The following CALCR variants were observed in gnomAD, a reference collection of about 807,000 sequenced individuals.
The protein encoded by CALCR is calcitonin receptor.
Under a neutral mutation model 59.5 loss-of-function variants are expected in CALCR, and 47 were observed. That is an observed-to-expected ratio of 0.79 (90% CI 0.63 to 1.01). CALCR has a LOEUF of 1.01. CALCR is among the 50% of genes least tolerant of loss of function. The pLI is 0.00. For synonymous variants in CALCR, 213 were observed against 211.3 expected (o/e 1.01, Z -0.07); for missense variants, 566 against 597.1 (o/e 0.95, Z 0.54).
intron 2 of CALCR, among the ~76,000 whole-genome samples, chr7:93,533,583 G>A (rs1788905134): frequency 6.6e-6 from 1 of 151,822 alleles, no homozygotes; most frequent in South Asian, 2.1e-4. Context: ...TGGGAGAGGA[G>A]GTTGAAGGAA....
At chr7:93,538,245 A>G (rs1189194899) in intron 2 of CALCR, among the ~76,000 whole-genome samples, 3 of 152,034 alleles carry the variant, frequency 2.0e-5, no homozygotes, top group Non-Finnish European at 4.4e-5. Flanking sequence ...CTGAAAAAGC[A>G]GATAGGCCTG....
chr7:93,517,686 ACTT>A (rs1801678088), intron 2 of CALCR, among the ~76,000 whole-genome samples: 2 of 151,882 alleles, frequency 1.3e-5, no homozygotes, highest in Admixed American at 1.3e-4. Context: ...AACACACTGA[ACTT>A]CTTTGTGTAT....
At chr7:93,543,529 G>A (rs1174412700) in intron 2 of CALCR, among the ~76,000 whole-genome samples, 2 of 152,148 alleles carry the variant, frequency 1.3e-5, no homozygotes, top group African/African-American at 4.8e-5. Context: ...GTAAGGCTAC[G>A]ATGTGAGCAT....
In CALCR at chr7:93,491,733, T is replaced by C. The variant is rs1801082237; in HGVS notation, c.-26-4726A>G. Among the ~76,000 whole-genome samples, 3 of 152,062 alleles carry C rather than the reference T, an allele frequency of 2.0e-5. No homozygotes were observed. In the South Asian group the frequency reaches 6.2e-4, roughly 32 times the overall value. On this transcript the variant is annotated intron_variant, in intron 2 of 13. Coordinates refer to ENST00000426151, the MANE Select transcript of CALCR (RefSeq NM_001742.4). ...GTCACACCGGTCAGAATGGTGATTA[T>C]TAAAAAGTCAAGAAACCATAGATGC...
chr7:93,471,951 A>G (rs1217545226), intron 6 of CALCR, among the ~76,000 whole-genome samples: 1 of 151,818 alleles, frequency 6.6e-6, no homozygotes, highest in Non-Finnish European at 1.5e-5. Context: ...CTTTATTACA[A>G]AACTAAGGTT....
intron 13 of CALCR, among the ~76,000 whole-genome samples, chr7:93,430,353 C>T (rs570922151): frequency 3.1e-4 from 47 of 152,234 alleles, no homozygotes; most frequent in African/African-American, 1.0e-3. Context: ...TTCAGTCTTT[C>T]GGAGGCCATA....
chr7:93,474,830 G>C (rs1314220654), intron 5 of CALCR, among the ~76,000 whole-genome samples: 1 of 151,712 alleles, frequency 6.6e-6, no homozygotes, highest in African/African-American at 2.4e-5. Flanking sequence ...GTTAACAAAG[G>C]CAAAGCATTG....
At chr7:93,461,758 A>G (rs1323806146) in intron 7 of CALCR, among the ~76,000 whole-genome samples, 1 of 152,178 alleles carries the variant, frequency 6.6e-6, no homozygotes, top group Admixed American at 6.5e-5. Context: ...GAATGTTCAC[A>G]TAAATAAACA....
At chr7:93,465,026 A>G (rs1015443749) in intron 7 of CALCR, among the ~76,000 whole-genome samples, 6 of 151,978 alleles carry the variant, frequency 3.9e-5, no homozygotes, top group Admixed American at 1.3e-4. Context: ...AATGTAGACA[A>G]TAAAATGAAG....
chr7:93,544,823 A>G (rs1311790581), intron 2 of CALCR, among the ~76,000 whole-genome samples: 2 of 152,146 alleles, frequency 1.3e-5, no homozygotes, highest in African/African-American at 4.8e-5. Flanking sequence ...CTTTCCTCCA[A>G]CTGCTCAACA....
chr7:93,458,492 T>C (rs1321977821), intron 8 of CALCR, among the ~76,000 whole-genome samples: 4 of 152,182 alleles, frequency 2.6e-5, no homozygotes, highest in African/African-American at 2.4e-5. Flanking sequence ...CTGCTCCCAC[T>C]GCCCTGGGCC....
At chr7:93,533,572 A>G (rs1408795719) in intron 2 of CALCR, among the ~76,000 whole-genome samples, 2 of 151,870 alleles carry the variant, frequency 1.3e-5, no homozygotes, top group Non-Finnish European at 2.9e-5. Context: ...TAAGGTTCCA[A>G]TGGGAGAGGA....
At chr7:93,522,111 AT>A (rs1253054218) in intron 2 of CALCR, among the ~76,000 whole-genome samples, 5 of 152,186 alleles carry the variant, frequency 3.3e-5, no homozygotes, top group Non-Finnish European at 5.9e-5. Context: ...GGGATTTATT[AT>A]TTTTTTAAAC....
At chr7:93,468,847 G>C in intron 6 of CALCR, 41 bp from the exon 7 acceptor site, 6 of 547,318 alleles carry the variant, frequency 1.1e-5, no homozygotes, top group South Asian at 4.0e-5. Flanking sequence ...ATGAATGAAT[G>C]ATTCATCAGA....
chr7:93,504,712 A>G (rs1158943865), intron 2 of CALCR, among the ~76,000 whole-genome samples: 1 of 152,116 alleles, frequency 6.6e-6, no homozygotes, highest in Non-Finnish European at 1.5e-5. Context: ...AAAGAATTTA[A>G]GTTTCCTGAA....
intron 7 of CALCR, among the ~76,000 whole-genome samples, chr7:93,463,428 T>C (rs2115819724): frequency 6.6e-6 from 1 of 152,092 alleles, no homozygotes; most frequent in South Asian, 2.1e-4. Flanking sequence ...AGTTTTAATA[T>C]AATTTTTGCT....
At chr7:93,495,585 A>G (rs184377821) in intron 2 of CALCR, among the ~76,000 whole-genome samples, 23 of 151,428 alleles carry the variant, frequency 1.5e-4, no homozygotes, top group Non-Finnish European at 3.1e-4. Context: ...CTTTTATACC[A>G]GCTTCTTATC....
At chr7:93,486,833 G>A in intron 3 of CALCR, 98 bp downstream of exon 3, 1 of 788,856 alleles carries the variant, frequency 1.3e-6, no homozygotes. Context: ...GGAGACCAAT[G>A]CCTACCCTTG....
At chr7:93,520,594 T>G (rs1174112446) in intron 2 of CALCR, among the ~76,000 whole-genome samples, 1 of 152,130 alleles carries the variant, frequency 6.6e-6, no homozygotes, top group African/African-American at 2.4e-5. Context: ...CTCACCCTAC[T>G]TAATTTGTAA....
Sources: gnomAD v4.1 joint callset for allele counts (sites outside exome capture counted in the v4.1 genomes callset) on GRCh38, gnomAD v4.1.1 for gene constraint, MANE v1.5 for transcripts, NCBI Gene and HGNC (gene_info 2026-07-23, HGNC 2026-07-21) for gene names.